The following ZFHX4 variants were observed in gnomAD, a reference collection of about 807,000 sequenced individuals.
ZFHX4 encodes zinc finger homeobox protein 4.
ZFHX4 carries 56 observed loss-of-function variants against 267.6 expected under a neutral mutation model. The ratio of observed to expected loss-of-function variants is 0.21; its 90% CI spans 0.17 to 0.26. The LOEUF is 0.26. Among genes scored for constraint, ZFHX4 ranks in the 10% least tolerant of loss-of-function variants. ZFHX4 has a pLI of 1.00. For missense variants in ZFHX4, 4,332 were observed against 4,420.0 expected (o/e 0.98, Z 0.56); for synonymous variants, 1,778 against 1,665.6 (o/e 1.07, Z -1.64).
chr8:76,838,413 G>C (rs1339434811), intron 5 of ZFHX4, among the ~76,000 whole-genome samples: 1 of 152,174 alleles, frequency 6.6e-6, no homozygotes, highest in Non-Finnish European at 1.5e-5. Flanking sequence ...ACAAGGACCA[G>C]GTATCTTGGA....
intron 10 of ZFHX4, among the ~76,000 whole-genome samples, chr8:76,857,285 T>G (rs1273835978): frequency 2.0e-5 from 3 of 151,038 alleles, no homozygotes; most frequent in African/African-American, 7.3e-5. Flanking sequence ...TTTTCTAAAT[T>G]ATCAATGATT....
chr8:76,690,565 A>T (rs995070956), intron 1 of ZFHX4, among the ~76,000 whole-genome samples: 1 of 152,068 alleles, frequency 6.6e-6, no homozygotes, highest in African/African-American at 2.4e-5. Flanking sequence ...AGTAGTTTTT[A>T]AAATACCATA....
At chr8:76,861,951 T>C (rs1391279958) in intron 10 of ZFHX4, among the ~76,000 whole-genome samples, 1 of 152,144 alleles carries the variant, frequency 6.6e-6, no homozygotes, top group Non-Finnish European at 1.5e-5. Context: ...ACAGTCCTTG[T>C]CATGATCATT....
chr8:76,687,018 T>C (rs1807709184), intron 1 of ZFHX4, among the ~76,000 whole-genome samples: 1 of 152,208 alleles, frequency 6.6e-6, no homozygotes, highest in Non-Finnish European at 1.5e-5. Flanking sequence ...AAAGTGCATG[T>C]GAATATGTAC....
chr8:76,708,166 A>G (rs2131615527), intron 3 of ZFHX4, 118 bp downstream of exon 3: 1 of 1,235,036 alleles, frequency 8.1e-7, no homozygotes, highest in Non-Finnish European at 1.2e-6. Context: ...ATCAAAGGGC[A>G]GGGGGCACAG....
chr8:76,742,934 G>A (rs1055306340), intron 3 of ZFHX4, among the ~76,000 whole-genome samples: 2 of 150,582 alleles, frequency 1.3e-5, no homozygotes, highest in Non-Finnish European at 2.9e-5. Flanking sequence ...TATAATTCTT[G>A]TTAGATAATT....
At chr8:76,839,913 T>C (rs1261519736) in intron 5 of ZFHX4, among the ~76,000 whole-genome samples, 4 of 152,194 alleles carry the variant, frequency 2.6e-5, no homozygotes, top group Non-Finnish European at 5.9e-5. Flanking sequence ...ACATTCATAC[T>C]CTTGACTCTA....
chr8:76,854,041 A>G lies in ZFHX4; in HGVS notation c.7120A>G (p.Lys2374Glu). ...AGTGTCTGGCCAAACGGATGCAGCTAAAAACGCTGCTGCCCCTGCAGCAAG... is the reference window on the plus strand; with the variant it reads ...AGTGTCTGGCCAAACGGATGCAGCTGAAAACGCTGCTGCCCCTGCAGCAAG... ...CTVSGQTDAA[K>E]NAAAPAASSG... Residue 2374 changes from lysine (K) to glutamate (E), a missense_variant, in exon 10 of 11, where the codon AAA (lysine) becomes GAA (glutamate). This residue lies in a region of ZFHX4 where 1,648 missense variants were observed against 1,625.0 expected (regional missense o/e 1.01). Transcript: ENST00000651372. 6.2e-7 allele frequency: 1 copy of G among 1,613,894 alleles called. No homozygotes were observed. The highest frequency in any genetic ancestry group is 1.1e-5 in the South Asian group (1 of 91,070).
At chr8:76,776,431 G>T (rs1810403011) in intron 3 of ZFHX4, among the ~76,000 whole-genome samples, 1 of 152,132 alleles carries the variant, frequency 6.6e-6, no homozygotes, top group African/African-American at 2.4e-5. Flanking sequence ...TGGGACTAGA[G>T]AAGGTCAATT....
intron 5 of ZFHX4, among the ~76,000 whole-genome samples, chr8:76,840,108 T>C (rs1812196273): frequency 6.6e-6 from 1 of 152,166 alleles, no homozygotes; most frequent in Admixed American, 6.6e-5. Flanking sequence ...ATAAACAGCT[T>C]TCCCCTTCTA....
chr8:76,842,437 T>C (rs1812258780), intron 5 of ZFHX4, among the ~76,000 whole-genome samples: 1 of 152,196 alleles, frequency 6.6e-6, no homozygotes, highest in South Asian at 2.1e-4. Context: ...ACCCATCCTC[T>C]CAATGGATAC....
At chr8:76,787,436 AG>A (rs906309193) in intron 4 of ZFHX4, among the ~76,000 whole-genome samples, 2 of 152,102 alleles carry the variant, frequency 1.3e-5, no homozygotes, top group Admixed American at 1.3e-4. Flanking sequence ...TCAAAACCAC[AG>A]GGTGTGTTGG....
At chr8:76,860,280 A>G (rs1265619715) in intron 10 of ZFHX4, among the ~76,000 whole-genome samples, 1 of 152,118 alleles carries the variant, frequency 6.6e-6, no homozygotes, top group Non-Finnish European at 1.5e-5. Context: ...TATTTAACTC[A>G]GCTTTTTGCC....
intron 3 of ZFHX4, among the ~76,000 whole-genome samples, chr8:76,770,685 A>G (rs1461633740): frequency 6.6e-6 from 1 of 152,152 alleles, no homozygotes; most frequent in East Asian, 1.9e-4. Flanking sequence ...ACAAAGTACA[A>G]CAAGGAAAAA....
rs551465821 is a variant in ZFHX4 at position 76,691,418 on chromosome 8, T to C, written c.-47+9798T>C. 3.3e-5 allele frequency among the ~76,000 whole-genome samples: 5 copies of C among 152,178 alleles called. No individual in the cohort carries two copies. In the East Asian group the frequency reaches 9.7e-4, roughly 29 times the overall value. On this transcript the variant is annotated intron_variant, in intron 1 of 10. Transcript: ENST00000651372. ...ACAAGAACAACACTTCAATTCCGTGTAAGGAAAGGATATGAAGTCAAGGCT... is the reference window on the plus strand; with the variant it reads ...ACAAGAACAACACTTCAATTCCGTGCAAGGAAAGGATATGAAGTCAAGGCT...
rs764962380 is a variant in ZFHX4, at chr8:76,866,580, G to T, written c.*2015G>T. ...AATCCTGCCGCTATAGTGAGCTAAT[G>T]TCCTGAATCCAAAGGCTTCAGAAAA... On this transcript the variant is annotated 3_prime_UTR_variant, in exon 11 of 11. Coordinates refer to ENST00000651372, the MANE Select transcript of ZFHX4 (RefSeq NM_024721.5). 2.0e-5 allele frequency: 3 copies of T among 152,186 alleles called. No homozygotes were observed. Among genetic ancestry groups the T allele is most frequent in the Non-Finnish European group, 4.4e-5 (3 of 67,988 alleles). 9.4% of individuals were successfully genotyped at this position (152,186 alleles called of 1,614,324 possible).
chr8:76,774,757 T>A (rs975260428), intron 3 of ZFHX4, among the ~76,000 whole-genome samples: 5 of 152,144 alleles, frequency 3.3e-5, no homozygotes, highest in Non-Finnish European at 7.4e-5. Context: ...GTACAGTATT[T>A]TAGAAATTTG....
In ZFHX4 at chr8:76,864,369, C is replaced by T. The variant is rs267602008; in HGVS notation, c.10655C>T (p.Ser3552Leu). ...TCTCCTCCTTCCCTTTCCTTGCCTT[C>T]AACGGTTACCTCAAGTTTGTGCAGC... Reference protein sequence around the residue: ...PSSPPSLSLPSTVTSSLCSTS... With the variant: ...PSSPPSLSLPLTVTSSLCSTS... The change falls in exon 11 of 11, where the codon TCA (serine) becomes TTA (leucine). Residue 3552 changes from serine to leucine, a missense_variant. This residue lies in a region of ZFHX4 where 1,648 missense variants were observed against 1,625.0 expected (regional missense o/e 1.01). Transcript: ENST00000651372. 6.2e-7 allele frequency: 1 copy of T among 1,613,834 alleles called. No individual in the cohort carries two copies. Among genetic ancestry groups the T allele is most frequent in the Non-Finnish European group, 8.5e-7 (1 of 1,179,870 alleles).
In ZFHX4 at chr8:76,705,432, A is replaced by T; in HGVS notation, c.1344A>T (p.Pro448=). The T allele has an allele frequency of 1.2e-6, 2 of 1,613,826 alleles. No homozygotes were observed. Among genetic ancestry groups the T allele is most frequent in the Non-Finnish European group, 1.7e-6 (2 of 1,179,862 alleles). Residue 448 remains proline, a synonymous_variant, in exon 2 of 11, where the codon CCA becomes CCT. Coordinates refer to ENST00000651372, the MANE Select transcript of ZFHX4 (RefSeq NM_024721.5). The part of the protein sequence containing the change: ...SKDQENNCER[P]KESNVLHPNG... The stretch of plus-strand genomic sequence containing the variant: ...ACCAAGAGAACAACTGTGAAAGGCC[A>T]AAAGAAAGCAACGTTTTACACCCAA...
Sources: gnomAD v4.1 joint callset for allele counts (sites outside exome capture counted in the v4.1 genomes callset) on GRCh38, gnomAD v4.1.1 for gene constraint, gnomAD v4.1.1 regional missense constraint, MANE v1.5 for transcripts, NCBI Gene and HGNC (gene_info 2026-07-23, HGNC 2026-07-21) for gene names.